Variants in MBD5 observed in about 807,000 individuals in gnomAD.
MBD5 encodes methyl-CpG binding domain protein 5, also known as methyl-CpG-binding domain protein 5.
In MBD5, 13 loss-of-function variants were observed where a neutral mutation model predicts 117.3. The observed-to-expected ratio is 0.11, with a 90% CI of 0.07 to 0.18. The LOEUF (loss-of-function observed/expected upper bound fraction) is 0.18, where lower values mean the gene tolerates loss of function less well. Among genes scored for constraint, MBD5 ranks in the 10% least tolerant of loss-of-function variants. The pLI is 1.00. For synonymous variants in MBD5, 727 were observed against 766.4 expected (o/e 0.95, Z 0.85); for missense variants, 1,879 against 2,093.8 (o/e 0.90, Z 2.00).
chr2:148,416,748 A>G (rs746193269), intron 4 of MBD5, among the ~76,000 whole-genome samples: 2 of 152,060 alleles, frequency 1.3e-5, no homozygotes, highest in Non-Finnish European at 2.9e-5. Flanking sequence ...TCCAATAGCT[A>G]GTTTTTCATC....
chr2:148,303,184 CATTCAGT>C (rs1701814399), intron 3 of MBD5, among the ~76,000 whole-genome samples: 2 of 152,078 alleles, frequency 1.3e-5, no homozygotes, highest in African/African-American at 4.8e-5. Context: ...TTACAAAAGG[CATTCAGT>C]AGTAAATCAG....
chr2:148,083,957 A>G (rs1357880950), intron 1 of MBD5, among the ~76,000 whole-genome samples: 1 of 152,100 alleles, frequency 6.6e-6, no homozygotes, highest in East Asian at 1.9e-4. Context: ...TTGTTTACAT[A>G]CTTGATTTTA....
chr2:148,250,075 A>C (rs1700431173), intron 3 of MBD5, among the ~76,000 whole-genome samples: 1 of 152,156 alleles, frequency 6.6e-6, no homozygotes, highest in African/African-American at 2.4e-5. Context: ...TTCCTAATAC[A>C]ATAAAGAATA....
At chr2:148,228,346 T>C (rs1382646696) in intron 2 of MBD5, among the ~76,000 whole-genome samples, 5 of 152,198 alleles carry the variant, frequency 3.3e-5, no homozygotes, top group Non-Finnish European at 7.4e-5. Flanking sequence ...GTCAAGGGCC[T>C]TTTCTGCATC....
intron 1 of MBD5, among the ~76,000 whole-genome samples, chr2:148,053,125 G>A (rs560650635): frequency 3.9e-5 from 6 of 152,194 alleles, no homozygotes; most frequent in Non-Finnish European, 7.4e-5. Context: ...TGTTGAAGAT[G>A]CCAACTGTTA....
chr2:148,204,886 G>A, intron 2 of MBD5, among the ~76,000 whole-genome samples: 1 of 151,794 alleles, frequency 6.6e-6, no homozygotes, highest in Admixed American at 6.6e-5. Context: ...AGCATTGAAA[G>A]GATTTAACTG....
At chr2:148,277,570 G>A (rs1701145632) in intron 3 of MBD5, among the ~76,000 whole-genome samples, 1 of 152,080 alleles carries the variant, frequency 6.6e-6, no homozygotes, top group African/African-American at 2.4e-5. Context: ...CTCAAGCAAT[G>A]TAGTTTTTTA....
chr2:148,143,398 C>A (rs1349440026), intron 1 of MBD5, among the ~76,000 whole-genome samples: 1 of 152,126 alleles, frequency 6.6e-6, no homozygotes, highest in African/African-American at 2.4e-5. Context: ...CAGAAGAATG[C>A]TGGTTTTTAC....
At chr2:148,094,310 CAA>C in intron 1 of MBD5, among the ~76,000 whole-genome samples, 1 of 152,266 alleles carries the variant, frequency 6.6e-6, no homozygotes, top group South Asian at 2.1e-4. Context: ...TAAAACTCTA[CAA>C]ATTATTTACT....
At chr2:148,277,342 A>C (rs945010214) in intron 3 of MBD5, among the ~76,000 whole-genome samples, 7 of 152,182 alleles carry the variant, frequency 4.6e-5, no homozygotes, top group Non-Finnish European at 8.8e-5. Context: ...TCGTAGAACT[A>C]ATTCCTTTAT....
At chr2:148,216,432 T>G (rs534777343) in intron 2 of MBD5, among the ~76,000 whole-genome samples, 122 of 152,288 alleles carry the variant, frequency 8.0e-4, no homozygotes, top group Non-Finnish European at 1.5e-3. Flanking sequence ...ATTATTGATG[T>G]CTCAAGACAA....
chr2:148,023,276 A>G (rs1161751067), intron 1 of MBD5, among the ~76,000 whole-genome samples: 1 of 152,156 alleles, frequency 6.6e-6, no homozygotes, highest in African/African-American at 2.4e-5. Flanking sequence ...TAAAGACATG[A>G]TAATACTTCT....
chr2:148,178,045 C>A (rs1236227733), intron 1 of MBD5, among the ~76,000 whole-genome samples: 1 of 152,150 alleles, frequency 6.6e-6, no homozygotes, highest in Admixed American at 6.5e-5. Flanking sequence ...GAATCCAAAT[C>A]CTGTTTCCCT....
chr2:148,400,849 AT>A (rs1404523414), intron 4 of MBD5, among the ~76,000 whole-genome samples: 1 of 152,064 alleles, frequency 6.6e-6, no homozygotes, highest in African/African-American at 2.4e-5. Context: ...GGATATTTGG[AT>A]TCTACTTCTG....
At chr2:148,507,861 G>A in intron 12 of MBD5, among the ~76,000 whole-genome samples, 1 of 151,770 alleles carries the variant, frequency 6.6e-6, no homozygotes, top group East Asian at 1.9e-4. Flanking sequence ...GTTCTCTGGA[G>A]GTTTTTCATT....
At chr2:148,466,573 G>A (rs1396892330) in intron 7 of MBD5, among the ~76,000 whole-genome samples, 1 of 152,094 alleles carries the variant, frequency 6.6e-6, no homozygotes, top group African/African-American at 2.4e-5. Context: ...TGCTAATGAC[G>A]TTAATGTTCT....
At chr2:148,145,425 T>C (rs555970317) in intron 1 of MBD5, among the ~76,000 whole-genome samples, 10 of 152,190 alleles carry the variant, frequency 6.6e-5, no homozygotes, top group Non-Finnish European at 1.3e-4. Flanking sequence ...CTTTTCCTAA[T>C]TGAATACCCT....
At chr2:148,118,433 A>AT (rs1011744405) in intron 1 of MBD5, among the ~76,000 whole-genome samples, 1 of 148,620 alleles carries the variant, frequency 6.7e-6, no homozygotes, top group African/African-American at 2.6e-5. Flanking sequence ...AACATAAAAA[A>AT]AAATATATAT....
intron 1 of MBD5, among the ~76,000 whole-genome samples, chr2:148,094,017 TAAAG>T (rs958515052): frequency 7.2e-5 from 11 of 152,180 alleles, no homozygotes; most frequent in African/African-American, 2.7e-4. Flanking sequence ...CTTTTATAGA[TAAAG>T]AAACTAAGGT....
Sources: gnomAD v4.1 joint callset for allele counts (sites outside exome capture counted in the v4.1 genomes callset) on GRCh38, gnomAD v4.1.1 for gene constraint, MANE v1.5 for transcripts, NCBI Gene and HGNC (gene_info 2026-07-23, HGNC 2026-07-21) for gene names.